Variants in CCSER1 observed in about 807,000 individuals in gnomAD.
The protein encoded by CCSER1 is coiled-coil serine rich protein 1, also known as serine-rich coiled-coil domain-containing protein 1.
Under a neutral mutation model 82.0 loss-of-function variants are expected in CCSER1, and 41 were observed. That is an observed-to-expected ratio of 0.50 (90% CI 0.39 to 0.65). The LOEUF (loss-of-function observed/expected upper bound fraction) is 0.65, where lower values mean the gene tolerates loss of function less well. Ranked by LOEUF, CCSER1 falls within the 30% of genes least tolerant of loss-of-function variation. CCSER1 has a pLI of 0.00. For synonymous variants in CCSER1, 414 were observed against 383.9 expected, an observed-to-expected ratio of 1.08 and a Z score of -0.92; for missense variants, 1,119 against 1,064.2, an observed-to-expected ratio of 1.05 and a Z score of -0.72.
chr4:91,400,967 T>G (rs1356636596), intron 10 of CCSER1, among the ~76,000 whole-genome samples: 1 of 151,902 alleles, frequency 6.6e-6, no homozygotes, highest in Non-Finnish European at 1.5e-5. Context: ...GATACACTTG[T>G]GGAATAAACC....
At chr4:91,175,738 G>A (rs764290117) in intron 10 of CCSER1, among the ~76,000 whole-genome samples, 5 of 152,108 alleles carry the variant, frequency 3.3e-5, no homozygotes, top group Non-Finnish European at 7.4e-5. Flanking sequence ...TTTGTCAGAT[G>A]GGTAGATGGT....
intron 7 of CCSER1, among the ~76,000 whole-genome samples, chr4:90,726,357 A>G (rs1372916447): frequency 2.0e-5 from 3 of 152,008 alleles, no homozygotes; most frequent in African/African-American, 7.2e-5. Context: ...CTTTCCCACT[A>G]ATACCCATGC....
intron 10 of CCSER1, among the ~76,000 whole-genome samples, chr4:91,207,765 C>G (rs544495655): frequency 6.1e-4 from 93 of 151,938 alleles, no homozygotes; most frequent in African/African-American, 2.0e-3. Context: ...ATTGCTGGGT[C>G]AAATGGTAGT....
intron 9 of CCSER1, among the ~76,000 whole-genome samples, chr4:91,072,229 C>A (rs575071295): frequency 6.6e-6 from 1 of 152,224 alleles, no homozygotes; most frequent in African/African-American, 2.4e-5. Flanking sequence ...TAGCCTTAAG[C>A]AACAATAATC....
intron 10 of CCSER1, among the ~76,000 whole-genome samples, chr4:91,129,568 A>G (rs1727821999): frequency 6.6e-6 from 1 of 152,060 alleles, no homozygotes; most frequent in Non-Finnish European, 1.5e-5. Flanking sequence ...TATAATGGAA[A>G]CTTAAACTAA....
In CCSER1 at chr4:91,186,641, C is replaced by T. The variant is rs367834603; in HGVS notation, c.2217+100647C>T. Among the ~76,000 whole-genome samples the T allele has an allele frequency of 1.2e-4, 18 of 152,192 alleles. No homozygotes were observed. The East Asian group carries it at 3.3e-3, about 28-fold the overall frequency. ...CTCACAACCTTCAGAGCTGAGAGCC[C>T]CAAACAGAGATTTACCCACATATTT... On this transcript the variant is annotated intron_variant, in intron 10 of 10. Transcript: ENST00000509176.
At chr4:90,958,454 T>C (rs1216150213) in intron 9 of CCSER1, among the ~76,000 whole-genome samples, 3 of 152,182 alleles carry the variant, frequency 2.0e-5, no homozygotes, top group Non-Finnish European at 4.4e-5. Context: ...TCTCTAGGGC[T>C]GTCAGCCAAC....
chr4:91,324,209 ACTGTT>A (rs1347862237), intron 10 of CCSER1, among the ~76,000 whole-genome samples: 1 of 152,122 alleles, frequency 6.6e-6, no homozygotes, highest in Non-Finnish European at 1.5e-5. Flanking sequence ...TTTGCATTTA[ACTGTT>A]CTATCTCCAA....
intron 10 of CCSER1, among the ~76,000 whole-genome samples, chr4:91,269,175 G>T (rs2149179102): frequency 6.6e-6 from 1 of 152,186 alleles, no homozygotes; most frequent in East Asian, 1.9e-4. Context: ...CATGCCTTGG[G>T]CAGGTCTATG....
intron 10 of CCSER1, among the ~76,000 whole-genome samples, chr4:91,320,540 A>T (rs1171903538): frequency 6.6e-6 from 1 of 152,082 alleles, no homozygotes; most frequent in Non-Finnish European, 1.5e-5. Context: ...ATTCATGATA[A>T]CATGTGCTGT....
chr4:91,165,223 G>T (rs1251136110), intron 10 of CCSER1, among the ~76,000 whole-genome samples: 5 of 152,116 alleles, frequency 3.3e-5, no homozygotes, highest in African/African-American at 1.2e-4. Context: ...TTTGCTGGAG[G>T]TCCACTCCAG....
intron 10 of CCSER1, among the ~76,000 whole-genome samples, chr4:91,097,713 T>A (rs1444905895): frequency 6.6e-6 from 1 of 152,194 alleles, no homozygotes; most frequent in Non-Finnish European, 1.5e-5. Flanking sequence ...CAGTTGATGA[T>A]ATTTGTGTGA....
At chr4:90,136,421 A>G (rs1723712937) in intron 1 of CCSER1, among the ~76,000 whole-genome samples, 1 of 152,176 alleles carries the variant, frequency 6.6e-6, no homozygotes, top group African/African-American at 2.4e-5. Context: ...CTTTATGGGG[A>G]TATCAGTGAT....
intron 3 of CCSER1, among the ~76,000 whole-genome samples, chr4:90,397,563 C>T (rs566547298): frequency 3.3e-5 from 5 of 152,266 alleles, no homozygotes; most frequent in Admixed American, 3.3e-4. Flanking sequence ...TAGGCTTAGA[C>T]TGGTCTTGAC....
Position 91,499,861 on chromosome 4 carries a change from T to C in CCSER1, c.2218-98711T>C, listed in dbSNP as rs11735090. Among the ~76,000 whole-genome samples, 760 of 152,136 alleles carry C rather than the reference T, an allele frequency of 5.0e-3. 5 individuals are homozygous for C. The highest frequency in any genetic ancestry group is 6.9e-3 in the Non-Finnish European group (466 of 67,948). ...TGTTCCCTTTCTGGATGTGCTACAG[T>C]TTATCTGTTCATCTACTGAAGAACA... On this transcript the variant is annotated intron_variant, in intron 10 of 10. Transcript: ENST00000509176.
At chr4:90,803,655 A>G (rs1757122086) in intron 7 of CCSER1, among the ~76,000 whole-genome samples, 1 of 152,182 alleles carries the variant, frequency 6.6e-6, no homozygotes, top group African/African-American at 2.4e-5. Flanking sequence ...TATTGTGAAT[A>G]GTGCTGCAAT....
At chr4:90,571,956 C>T (rs1780170171) in intron 5 of CCSER1, among the ~76,000 whole-genome samples, 2 of 152,018 alleles carry the variant, frequency 1.3e-5, no homozygotes, top group South Asian at 4.1e-4. Flanking sequence ...AATTTGTGTA[C>T]TTACTTGTAC....
chr4:91,561,677 G>T (rs1762657240), intron 10 of CCSER1, among the ~76,000 whole-genome samples: 1 of 151,514 alleles, frequency 6.6e-6, no homozygotes, highest in East Asian at 1.9e-4. Flanking sequence ...ATGGTGCCTG[G>T]AATTTAGTAG....
In CCSER1 at chr4:90,734,376, T is replaced by C. The variant is rs144721181; in HGVS notation, c.2010+10385T>C. ...TCCTGACCTCGTGATCTGCCCGCCT[T>C]GGCCTCCCTAATCTGTAGATTTCTT... On this transcript the variant is annotated intron_variant, in intron 7 of 10. Coordinates refer to ENST00000509176, the MANE Select transcript of CCSER1 (RefSeq NM_001145065.2). Among the ~76,000 whole-genome samples, 127 of 152,198 alleles carry C rather than the reference T, an allele frequency of 8.3e-4. 2 individuals carry two copies. The East Asian group carries it at 0.019, about 23-fold the overall frequency.
Sources: gnomAD v4.1 joint callset for allele counts (sites outside exome capture counted in the v4.1 genomes callset) on GRCh38, gnomAD v4.1.1 for gene constraint, MANE v1.5 for transcripts, NCBI Gene and HGNC (gene_info 2026-07-23, HGNC 2026-07-21) for gene names.